The following NEK10 variants were observed in gnomAD, a reference collection of about 807,000 sequenced individuals.
NEK10 encodes NIMA related kinase 10, also known as serine/threonine-protein kinase Nek10.
In NEK10, 122 loss-of-function variants were observed where a neutral mutation model predicts 159.8. That is an observed-to-expected ratio of 0.76 (90% CI 0.66 to 0.89). The LOEUF (loss-of-function observed/expected upper bound fraction) is 0.89. Among genes scored for constraint, NEK10 ranks in the 40% least tolerant of loss-of-function variants. NEK10 has a pLI of 0.00. For missense variants in NEK10, 1,342 were observed against 1,323.1 expected, an observed-to-expected ratio of 1.01 and a Z score of -0.22; for synonymous variants, 466 against 457.1, an observed-to-expected ratio of 1.02 and a Z score of -0.25.
intron 13 of NEK10, 23 bp downstream of exon 13, chr3:27,301,673 A>G (rs1384439140): frequency 6.8e-7 from 1 of 1,473,604 alleles, no homozygotes; most frequent in Non-Finnish European, 9.3e-7. Flanking sequence ...ATTATAGCAT[A>G]TCAAATAATA....
chr3:27,169,445 TC>T (rs1441090903), intron 29 of NEK10, among the ~76,000 whole-genome samples: 2 of 152,144 alleles, frequency 1.3e-5, no homozygotes, highest in Non-Finnish European at 2.9e-5. Context: ...CGTCATGAGG[TC>T]TTACAGGGTT....
Position 27,291,325 on chromosome 3 carries a change from T to A in NEK10, c.1542A>T (p.Lys514Asn), listed in dbSNP as rs1159773473. ...ESINQNKAPL[K>N]YIGNYAILDH... ...CCAAAATTGCATAGTTGCCTATATA[T>A]TTCAAAGGAGCTTTGTTCTGATTAA... is the stretch of plus-strand genomic sequence containing the variant. Residue 514 changes from lysine (K) to asparagine (N), a missense_variant, in exon 18 of 36, where the codon AAA becomes AAT. Transcript: ENST00000691995. 6.2e-7 allele frequency: 1 copy of A among 1,613,534 alleles called. No homozygotes were observed. Among genetic ancestry groups the A allele is most frequent in the Non-Finnish European group, 8.5e-7 (1 of 1,179,634 alleles).
chr3:27,312,566 A>G (rs1315861183), intron 7 of NEK10, among the ~76,000 whole-genome samples: 2 of 152,088 alleles, frequency 1.3e-5, no homozygotes, highest in Non-Finnish European at 2.9e-5. Context: ...TTTATAATAC[A>G]TTGTATATAT....
rs35493524 is a variant in NEK10, at chr3:27,192,075, T to C, written c.2459A>G (p.Asn820Ser). Residue 820 changes from asparagine (N) to serine (S), a missense_variant, in exon 26 of 36, where the codon AAC (asparagine) becomes AGC (serine). Asn to Ser is a conservative substitution (Grantham distance 46). Transcript: ENST00000691995. ...RRTQRYFMEA[N>S]RNTVTCHHEL... ...ATGGTGACATGTGACGGTGTTCCGG[T>C]TGGCTTCCATAAAATACCTTTGTGT... 2.5e-6 allele frequency: 4 copies of C among 1,614,094 alleles called. No individual in the cohort carries two copies. Among genetic ancestry groups the C allele is most frequent in the African/African-American group, 1.3e-5 (1 of 74,926 alleles).
intron 30 of NEK10, chr3:27,162,286 A>C: frequency 8.8e-7 from 1 of 1,135,956 alleles, no homozygotes; most frequent in Non-Finnish European, 1.2e-6. Context: ...TGAACACAGA[A>C]GGCATTTTGT....
rs772921358 is a variant in NEK10 at position 27,352,768 on chromosome 3, CACT to C, written c.71+41_71+43del. 126 of 1,311,614 alleles carry C rather than the reference CACT, an allele frequency of 9.6e-5. 1 individual carries two copies. The Middle Eastern group carries it at 3.3e-3, about 34-fold the overall frequency. 81.2% of individuals were successfully genotyped at this position (1,311,614 alleles called of 1,614,324 possible). A position where few individuals can be genotyped will look rare whatever the true frequency, so the allele number is the denominator to read the frequency against. ...AAAGCCATTAAATCTGTTCAATGGC[CACT>C]GCCTGAGTTAACAATTAGCAAACAC... On this transcript the variant is annotated intron_variant, in intron 2 of 35. Transcript: ENST00000691995.
chr3:27,139,303 T>C (rs546375061), intron 31 of NEK10, among the ~76,000 whole-genome samples: 5 of 152,286 alleles, frequency 3.3e-5, no homozygotes, highest in Admixed American at 3.3e-4. Flanking sequence ...TCTGAGAACA[T>C]GAACCTTTCT....
intron 1 of NEK10, among the ~76,000 whole-genome samples, chr3:27,358,425 T>C (rs2048464071): frequency 6.6e-6 from 1 of 152,196 alleles, no homozygotes; most frequent in South Asian, 2.1e-4. Flanking sequence ...CATTGTTGAA[T>C]TTTTAAATCC....
At chr3:27,249,125 C>T (rs181406097) in intron 23 of NEK10, among the ~76,000 whole-genome samples, 2 of 152,260 alleles carry the variant, frequency 1.3e-5, no homozygotes, top group African/African-American at 4.8e-5. Flanking sequence ...CTCATGTGAT[C>T]GGTTTTGTGT....
chr3:27,274,548 T>C (rs1469402273), intron 22 of NEK10, among the ~76,000 whole-genome samples: 2 of 152,074 alleles, frequency 1.3e-5, no homozygotes, highest in Non-Finnish European at 2.9e-5. Flanking sequence ...TCTGTACATA[T>C]AGCTCTAACA....
At chr3:27,168,256 G>GAA (rs200895276) in intron 29 of NEK10, among the ~76,000 whole-genome samples, 8 of 139,984 alleles carry the variant, frequency 5.7e-5, no homozygotes, top group African/African-American at 7.9e-5. Context: ...CACAGAATAG[G>GAA]AAAAAAAAAA....
intron 25 of NEK10, among the ~76,000 whole-genome samples, chr3:27,196,797 T>C (rs897853903): frequency 1.3e-5 from 2 of 152,170 alleles, no homozygotes; most frequent in Admixed American, 6.5e-5. Flanking sequence ...ATATGGTACT[T>C]TTGTCTTGAC....
chr3:27,275,498 G>A (rs1256907898), intron 22 of NEK10, among the ~76,000 whole-genome samples: 11 of 152,138 alleles, frequency 7.2e-5, no homozygotes, highest in Admixed American at 7.2e-4. Flanking sequence ...AACACAAGTG[G>A]CTCAATATTC....
chr3:27,282,542 A>T (rs1421820251), intron 22 of NEK10, among the ~76,000 whole-genome samples: 1 of 96,038 alleles, frequency 1.0e-5, no homozygotes, highest in Admixed American at 1.2e-4. Flanking sequence ...AATGTGTTAT[A>T]TATATATATA....
chr3:27,280,082 A>T (rs1457528740), intron 22 of NEK10, among the ~76,000 whole-genome samples: 1 of 125,076 alleles, frequency 8.0e-6, no homozygotes, highest in African/African-American at 3.5e-5. Context: ...TAAATCTCAA[A>T]CCCCCTAAAA....
chr3:27,309,077 T>C (rs1185701656), intron 9 of NEK10, 72 bp from the exon 10 acceptor site: 7 of 765,358 alleles, frequency 9.1e-6, no homozygotes, highest in Non-Finnish European at 1.5e-5. Context: ...TTAACATTAA[T>C]TTATTTTCCA....
At chr3:27,323,306 G>T (rs903795701) in intron 5 of NEK10, among the ~76,000 whole-genome samples, 2 of 152,130 alleles carry the variant, frequency 1.3e-5, no homozygotes, top group Non-Finnish European at 2.9e-5. Flanking sequence ...GTTGCCATTC[G>T]CTAAGAGCTG....
chr3:27,122,085 G>T (rs963462124), intron 32 of NEK10, among the ~76,000 whole-genome samples: 5 of 152,108 alleles, frequency 3.3e-5, no homozygotes, highest in African/African-American at 4.8e-5. Context: ...AAAAATATAT[G>T]ATTATATCCA....
intron 23 of NEK10, among the ~76,000 whole-genome samples, chr3:27,226,223 T>C (rs1183178133): frequency 1.3e-5 from 2 of 151,728 alleles, no homozygotes; most frequent in Non-Finnish European, 2.9e-5. Flanking sequence ...TTTTTTGTAT[T>C]TTTAGTAGAG....
Sources: gnomAD v4.1 joint callset for allele counts (sites outside exome capture counted in the v4.1 genomes callset) on GRCh38, gnomAD v4.1.1 for gene constraint, MANE v1.5 for transcripts, NCBI Gene and HGNC (gene_info 2026-07-23, HGNC 2026-07-21) for gene names.